The following EDA variants were observed in gnomAD, a reference collection of about 807,000 sequenced individuals.
EDA encodes the protein ectodysplasin A.
In EDA, 2 loss-of-function variants were observed where a neutral mutation model predicts 23.6. That is an observed-to-expected ratio of 0.08 (90% confidence interval 0.03 to 0.27). EDA has a LOEUF of 0.27. Among genes scored for constraint, EDA ranks in the 10% least tolerant of loss-of-function variants. The probability of loss-of-function intolerance (pLI) is 1.00; values close to 1 mark genes in which losing one functional copy is unlikely to be tolerated. For missense variants in EDA, 229 were observed against 324.2 expected (o/e 0.71, Z 2.26); for synonymous variants, 131 against 132.0 (o/e 0.99, Z 0.05).
At chrX:69,689,510 A>AT (rs1429840203) in intron 1 of EDA, among the ~76,000 whole-genome samples, 7 of 108,821 alleles carry the variant, frequency 6.4e-5, no homozygotes, top group Non-Finnish European at 1.3e-4. Flanking sequence ...TAATTTTTGT[A>AT]TTTTTTAGTA....
chrX:69,692,033 G>A (rs1160120965), intron 1 of EDA, among the ~76,000 whole-genome samples: 2 of 111,182 alleles, frequency 1.8e-5, no homozygotes, highest in African/African-American at 6.5e-5. Context: ...CAGACTTTGA[G>A]TCAATGAAAA....
chrX:69,714,144 A>T (rs959894976), intron 1 of EDA, among the ~76,000 whole-genome samples: 2 of 110,855 alleles, frequency 1.8e-5, no homozygotes, highest in African/African-American at 6.5e-5. Flanking sequence ...TAGTAATTTT[A>T]ATTTTAATTT....
At chrX:69,928,678 A>G (rs2018555037) in intron 1 of EDA, among the ~76,000 whole-genome samples, 1 of 112,342 alleles carries the variant, frequency 8.9e-6, no homozygotes, top group Non-Finnish European at 1.9e-5. Flanking sequence ...AACTAAAAAA[A>G]GTAAAATTTG....
intron 1 of EDA, among the ~76,000 whole-genome samples, chrX:69,889,022 T>TATATATATA (rs2017882922): frequency 7.2e-5 from 2 of 27,668 alleles, no homozygotes; most frequent in African/African-American, 2.3e-4. Flanking sequence ...ATATATATAT[T>TATATATATA]ATGTTTTTCC....
chrX:69,965,782 T>G (rs5980884), intron 2 of EDA, among the ~76,000 whole-genome samples: 36,769 of 111,592 alleles, frequency 0.33, 4,440 homozygotes, highest in African/African-American at 0.36. Context: ...CACGGTGGCT[T>G]ACGCCTGTAA....
intron 1 of EDA, among the ~76,000 whole-genome samples, chrX:69,650,294 C>T (rs1933062952): frequency 1.8e-5 from 2 of 111,723 alleles, no homozygotes; most frequent in African/African-American, 6.5e-5. Flanking sequence ...TATATTATAG[C>T]GGCAAACAAA....
rs761403541 is a variant in EDA at position 69,645,584 on chromosome X, T to TTATATATATATATATATATATATATA, written c.396+28889_396+28890insATATATATATATATATATATATATAT. Among the ~76,000 whole-genome samples, 62 of 54,350 alleles carry TTATATATATATATATATATATATATA rather than the reference T, an allele frequency of 1.1e-3. 10 individuals carry two copies. The East Asian group carries it at 0.057, about 50-fold the overall frequency. 47.2% of individuals were successfully genotyped at this position (54,350 alleles called of 115,157 possible). ...GGTTGCTCTTAGTTCTCTAGTTCTT[T>TTATATATATATATATATATATATATA]TATATATATGTGTGTGTGTATATAT... On this transcript the variant is annotated intron_variant, in intron 1 of 7. Transcript: ENST00000374552.
chrX:69,944,764 T>C (rs2018810512), intron 1 of EDA, among the ~76,000 whole-genome samples: 1 of 111,776 alleles, frequency 8.9e-6, no homozygotes, highest in Non-Finnish European at 1.9e-5. Context: ...ATTGCTGTCC[T>C]TGTGGCCTAG....
chrX:69,979,486 G>A (rs1041187533), intron 2 of EDA, among the ~76,000 whole-genome samples: 1 of 111,919 alleles, frequency 8.9e-6, no homozygotes, highest in Non-Finnish European at 1.9e-5. Context: ...TTCCAAAGTA[G>A]CTACATCATT....
intron 2 of EDA, among the ~76,000 whole-genome samples, chrX:69,988,544 T>A (rs1276589889): frequency 9.0e-6 from 1 of 111,653 alleles, no homozygotes; most frequent in Non-Finnish European, 1.9e-5. Flanking sequence ...CCCACAAAAA[T>A]TAAAAATAAA....
Position 69,697,615 on chromosome X carries a change from A to C in EDA, c.396+80911A>C, listed in dbSNP as rs918943924. Among the ~76,000 whole-genome samples the C allele has an allele frequency of 2.7e-5, 3 of 111,628 alleles. No homozygotes were observed. In the Admixed American group the frequency reaches 2.8e-4, roughly 11 times the overall value. On this transcript the variant is annotated intron_variant, in intron 1 of 7. Transcript: ENST00000374552. ...CATCATCTGGATTGTCTGGTGGTTA[A>C]CTGTAGTTTCAGCAAGACTTTTAAT...
intron 4 of EDA, among the ~76,000 whole-genome samples, chrX:70,028,843 T>C (rs2020158744): frequency 2.7e-5 from 3 of 112,760 alleles, no homozygotes. Context: ...TCCCCTGCCC[T>C]GTATCTTGGG....
chrX:69,928,155 C>T (rs917104890), intron 1 of EDA, among the ~76,000 whole-genome samples: 3 of 111,074 alleles, frequency 2.7e-5, no homozygotes, highest in Non-Finnish European at 3.8e-5. Context: ...TAGGATACCC[C>T]TTCAGTTCCA....
chrX:69,847,389 A>G (rs1174994121), intron 1 of EDA, among the ~76,000 whole-genome samples: 1 of 111,144 alleles, frequency 9.0e-6, no homozygotes. Flanking sequence ...ATACATGCAT[A>G]TTTATTTACC....
intron 1 of EDA, among the ~76,000 whole-genome samples, chrX:69,800,212 G>A (rs1253247458): frequency 8.9e-6 from 1 of 111,827 alleles, no homozygotes; most frequent in African/African-American, 3.3e-5. Context: ...ACTGGGAAGG[G>A]TATATGGGTG....
At chrX:69,841,015 A>G (rs923407769) in intron 1 of EDA, among the ~76,000 whole-genome samples, 1 of 112,315 alleles carries the variant, frequency 8.9e-6, no homozygotes, top group African/African-American at 3.2e-5. Flanking sequence ...TGAAATTCAG[A>G]GGGGACACAT....
chrX:69,640,328 A>G (rs1377751798), intron 1 of EDA, among the ~76,000 whole-genome samples: 1 of 112,208 alleles, frequency 8.9e-6, no homozygotes, highest in Non-Finnish European at 1.9e-5. Context: ...GTAAGAATTA[A>G]ATGAAATAAT....
At chrX:69,785,117 G>C (rs1411236381) in intron 1 of EDA, among the ~76,000 whole-genome samples, 1 of 102,720 alleles carries the variant, frequency 9.7e-6, no homozygotes, top group Non-Finnish European at 2.0e-5. Flanking sequence ...GTATAAGAAT[G>C]CTTGTGATTT....
intron 1 of EDA, among the ~76,000 whole-genome samples, chrX:69,816,428 GC>G (rs1229028792): frequency 1.8e-5 from 2 of 111,273 alleles, no homozygotes. Context: ...ATAACCCAAT[GC>G]AAAGAAGCTA....
Sources: gnomAD v4.1 joint callset for allele counts (sites outside exome capture counted in the v4.1 genomes callset) on GRCh38, gnomAD v4.1.1 for gene constraint, MANE v1.5 for transcripts, NCBI Gene and HGNC (gene_info 2026-07-23, HGNC 2026-07-21) for gene names.